The following PLCG2 variants were observed in gnomAD, a reference collection of about 807,000 sequenced individuals.
PLCG2 encodes 1-phosphatidylinositol 4,5-bisphosphate phosphodiesterase gamma-2.
PLCG2 carries 69 observed loss-of-function variants against 175.6 expected under a neutral mutation model. That is an observed-to-expected ratio of 0.39 (90% CI 0.32 to 0.48). The LOEUF is 0.48. Among genes scored for constraint, PLCG2 ranks in the 20% least tolerant of loss-of-function variants. The probability of loss-of-function intolerance (pLI) is 0.91; values close to 1 mark genes in which losing one functional copy is unlikely to be tolerated. For missense variants in PLCG2, 1,798 were observed against 1,650.9 expected, an observed-to-expected ratio of 1.09 and a Z score of -1.54; for synonymous variants, 827 against 624.0, an observed-to-expected ratio of 1.33 and a Z score of -4.85.
intron 5 of PLCG2, among the ~76,000 whole-genome samples, chr16:81,862,918 A>G (rs55909816): frequency 6.6e-6 from 1 of 151,754 alleles, no homozygotes; most frequent in Non-Finnish European, 1.5e-5. Context: ...CGAAAATAAA[A>G]ACAATTGTGC....
chr16:81,888,329 G>C (rs952981157), intron 9 of PLCG2, among the ~76,000 whole-genome samples: 2 of 151,990 alleles, frequency 1.3e-5, no homozygotes, highest in Admixed American at 6.6e-5. Context: ...TCTTGCCTCA[G>C]CCTCCTGAGT....
At chr16:81,937,048 A>G (rs1261569448) in intron 27 of PLCG2, among the ~76,000 whole-genome samples, 2 of 152,208 alleles carry the variant, frequency 1.3e-5, no homozygotes, top group Non-Finnish European at 2.9e-5. Context: ...ATGGGACAGA[A>G]TTCTCAGAAA....
rs905206926 is a variant in PLCG2, at chr16:81,869,150, G to A, written c.480-64G>A. On this transcript the variant is annotated intron_variant, in intron 5 of 32. Coordinates refer to ENST00000564138, the MANE Select transcript of PLCG2 (RefSeq NM_002661.5). ...CTGCCTGAGGTGGGAACTGATGGGAGCAGCTAAATCCTGTGCTGTTGAAAA... is the reference window on the plus strand; with the variant it reads ...CTGCCTGAGGTGGGAACTGATGGGAACAGCTAAATCCTGTGCTGTTGAAAA... The A allele has an allele frequency of 2.0e-5, 24 of 1,215,162 alleles. No homozygotes were observed. The African/African-American group carries it at 2.8e-4, about 14-fold the overall frequency. The allele number at this position is 1,215,162 out of a possible 1,614,324, so 75.3% of individuals were successfully genotyped here. A position where few individuals can be genotyped will look rare whatever the true frequency, so the allele number is the denominator to read the frequency against.
At chr16:81,761,829 A>ATTTAC (rs909875950) in intron 2 of PLCG2, among the ~76,000 whole-genome samples, 1 of 130,246 alleles carries the variant, frequency 7.7e-6, no homozygotes, top group African/African-American at 2.8e-5. Flanking sequence ...CACCCTGCAC[A>ATTTAC]TTTTTTTTTT....
chr16:81,805,766 TG>T (rs1160189134), intron 2 of PLCG2, among the ~76,000 whole-genome samples: 75 of 81,562 alleles, frequency 9.2e-4, no homozygotes, highest in African/African-American at 1.6e-3. Context: ...TGTTTTGTTT[TG>T]TTTTTTTTTT....
At chr16:81,784,178 A>G (rs1165072216) in intron 1 of PLCG2, among the ~76,000 whole-genome samples, 1 of 152,120 alleles carries the variant, frequency 6.6e-6, no homozygotes, top group Non-Finnish European at 1.5e-5. Context: ...ATGGGTGTGC[A>G]GTAGAGGGAG....
rs182262269 is a variant in PLCG2 at position 81,858,232 on chromosome 16, A to G, written c.338-31A>G. On this transcript the variant is annotated intron_variant, in intron 3 of 32. Coordinates refer to ENST00000564138, the MANE Select transcript of PLCG2 (RefSeq NM_002661.5). ...AGCAGACGTCTTCCCAGGAATTAAC[A>G]CAGCATTTCTGTTCCCTTTCTCCAC... is the stretch of plus-strand genomic sequence containing the variant. 1.6e-5 allele frequency: 23 copies of G among 1,457,912 alleles called. No homozygotes were observed. In the African/African-American group the frequency reaches 2.6e-4, roughly 17 times the overall value. 90.3% of individuals were successfully genotyped at this position (1,457,912 alleles called of 1,614,324 possible).
chr16:81,952,436 G>T (rs1311544619), intron 31 of PLCG2, among the ~76,000 whole-genome samples: 1 of 151,964 alleles, frequency 6.6e-6, no homozygotes, highest in African/African-American at 2.4e-5. Context: ...AGAAATCAGG[G>T]CTCCTTAGAC....
chr16:81,827,904 A>T (rs980147648), intron 2 of PLCG2, among the ~76,000 whole-genome samples: 1 of 152,020 alleles, frequency 6.6e-6, no homozygotes, highest in African/African-American at 2.4e-5. Flanking sequence ...CAACCTGATC[A>T]ACATGGAGAA....
chr16:81,904,816 A>T lies in PLCG2; in HGVS notation c.1363-587A>T, dbSNP rs539068494. On this transcript the variant is annotated intron_variant, in intron 14 of 32. Transcript: ENST00000564138. ...AAACACATGGTGTGTGTAGGGCTAGACAAGTGAGAGGAATAAAGCAGGCTT... is the reference window on the plus strand; with the variant it reads ...AAACACATGGTGTGTGTAGGGCTAGTCAAGTGAGAGGAATAAAGCAGGCTT... Among the ~76,000 whole-genome samples, 35 of 152,346 alleles carry T rather than the reference A, an allele frequency of 2.3e-4. No individual in the cohort carries two copies. In the South Asian group the frequency reaches 7.1e-3, roughly 31 times the overall value.
chr16:81,888,453 C>G (rs1597109425), intron 9 of PLCG2, among the ~76,000 whole-genome samples: 2 of 152,222 alleles, frequency 1.3e-5, no homozygotes, highest in East Asian at 3.9e-4. Flanking sequence ...TCTCAAACTC[C>G]TGAGCTCAGG....
intron 2 of PLCG2, among the ~76,000 whole-genome samples, chr16:81,787,393 A>ATTTCTTTT (rs764882703): frequency 1.1e-5 from 1 of 94,584 alleles, no homozygotes; most frequent in African/African-American, 4.6e-5. Flanking sequence ...GGATAATTTA[A>ATTTCTTTT]TTTTTTTTTT....
At chr16:81,947,219 T>C (rs1911186456) in intron 31 of PLCG2, among the ~76,000 whole-genome samples, 1 of 152,198 alleles carries the variant, frequency 6.6e-6, no homozygotes, top group Admixed American at 6.5e-5. Flanking sequence ...CAGATTTGAC[T>C]TCCTTGATGA....
chr16:81,778,877 T>C (rs1910583306), upstream of PLCG2, among the ~76,000 whole-genome samples: 2 of 152,348 alleles, frequency 1.3e-5, no homozygotes, highest in African/African-American at 4.8e-5. Context: ...CTCATTGCTG[T>C]CTCGAACTCT....
At chr16:81,881,732 C>T (rs550535393) in intron 8 of PLCG2, among the ~76,000 whole-genome samples, 1 of 152,316 alleles carries the variant, frequency 6.6e-6, no homozygotes, top group African/African-American at 2.4e-5. Context: ...GCAACCTCCA[C>T]CTTCCAGGTT....
At chr16:81,937,955 G>T (rs1910785041) in intron 28 of PLCG2, 52 bp downstream of exon 28, 2 of 1,590,168 alleles carry the variant, frequency 1.3e-6, no homozygotes, top group African/African-American at 1.3e-5. Context: ...CTCCCTGGGG[G>T]CTGGGCCGAT....
intron 2 of PLCG2, among the ~76,000 whole-genome samples, chr16:81,820,295 C>G (rs957164283): frequency 1.3e-5 from 2 of 152,234 alleles, no homozygotes; most frequent in Non-Finnish European, 2.9e-5. Context: ...CCTCACTTCC[C>G]TCTGCAGTCT....
intron 2 of PLCG2, among the ~76,000 whole-genome samples, chr16:81,845,765 G>T (rs1049696774): frequency 6.6e-6 from 1 of 152,228 alleles, no homozygotes; most frequent in Non-Finnish European, 1.5e-5. Context: ...GTAAGATCAA[G>T]GGGTGGAGAT....
At chr16:81,955,879 G>C (rs17793122) in intron 31 of PLCG2, among the ~76,000 whole-genome samples, 2 of 152,002 alleles carry the variant, frequency 1.3e-5, no homozygotes, top group African/African-American at 4.8e-5. Context: ...TGATACCTTG[G>C]CTTTTTTGGG....
Sources: gnomAD v4.1 joint callset for allele counts (sites outside exome capture counted in the v4.1 genomes callset) on GRCh38, gnomAD v4.1.1 for gene constraint, MANE v1.5 for transcripts, NCBI Gene and HGNC (gene_info 2026-07-23, HGNC 2026-07-21) for gene names.